The following KDM1B variants were observed in gnomAD, a reference collection of about 807,000 sequenced individuals.
KDM1B encodes the protein lysine-specific histone demethylase 2.
Under a neutral mutation model 107.4 loss-of-function variants are expected in KDM1B, and 63 were observed. The ratio of observed to expected loss-of-function variants is 0.59; its 90% CI spans 0.48 to 0.72. KDM1B has a LOEUF of 0.72. KDM1B is among the 30% of genes least tolerant of loss of function. KDM1B has a pLI of 0.00. For missense variants in KDM1B, 749 were observed against 1,020.8 expected (o/e 0.73, Z 3.63); for synonymous variants, 363 against 363.9 (o/e 1.00, Z 0.03).
rs1239019040 is a variant in KDM1B, at chr6:18,179,958, G to C, written c.535-5814G>C. 2.0e-5 allele frequency among the ~76,000 whole-genome samples: 3 copies of C among 147,732 alleles called. No homozygotes were observed. The East Asian group carries it at 5.9e-4, about 29-fold the overall frequency. On this transcript the variant is annotated intron_variant, in intron 7 of 21. Coordinates refer to ENST00000650836, the MANE Select transcript of KDM1B (RefSeq NM_001364614.2). Reference sequence around the variant, plus strand: ...GGTTTACTGCAGCCTTTACTTCCTGGGCTCAGGTGATTCTGCCACCGTAGT... The same window carrying C: ...GGTTTACTGCAGCCTTTACTTCCTGCGCTCAGGTGATTCTGCCACCGTAGT...
intron 7 of KDM1B, among the ~76,000 whole-genome samples, chr6:18,179,880 A>G (rs192122502): frequency 0.025 from 1,519 of 60,464 alleles, 31 homozygotes; most frequent in Middle Eastern, 0.056. Flanking sequence ...TTTTTTTTTC[A>G]TAAGGCAGGG....
intron 15 of KDM1B, 72 bp from the exon 16 acceptor site, chr6:18,207,326 T>C: frequency 1.3e-6 from 2 of 1,563,110 alleles, no homozygotes; most frequent in Non-Finnish European, 8.8e-7. Flanking sequence ...CACCTGGAGC[T>C]CCTCATATTG....
At chr6:18,179,849 CCTTTTTTTT>C (rs1451901717) in intron 7 of KDM1B, among the ~76,000 whole-genome samples, 1,691 of 96,214 alleles carry the variant, frequency 0.018, 222 homozygotes, top group African/African-American at 0.045. Context: ...GGTTTTTTTT[CCTTTTTTTT>C]TTTTTTTTTT....
intron 5 of KDM1B, among the ~76,000 whole-genome samples, chr6:18,164,816 T>C (rs1006930478): frequency 4.6e-5 from 7 of 152,160 alleles, no homozygotes; most frequent in Admixed American, 3.3e-4. Context: ...CAGCTAATTT[T>C]TGTATTTTTA....
intron 20 of KDM1B, among the ~76,000 whole-genome samples, chr6:18,216,204 C>T (rs941264984): frequency 1.3e-5 from 2 of 152,154 alleles, no homozygotes; most frequent in Admixed American, 6.5e-5. Context: ...CTCAGCCTCC[C>T]GAGTAGGCTG....
In KDM1B at chr6:18,204,637, A is replaced by G. The variant is rs750223122; in HGVS notation, c.1532-900A>G. Among the ~76,000 whole-genome samples the G allele has an allele frequency of 1.4e-4, 22 of 152,218 alleles. No homozygotes were observed. Among genetic ancestry groups the G allele is most frequent in the Non-Finnish European group, 2.8e-4 (19 of 68,044 alleles). On this transcript the variant is annotated intron_variant, in intron 14 of 21. Transcript: ENST00000650836. The surrounding 1 kb of genome is among the most constrained non-coding windows in gnomAD (Gnocchi z 4.9). ...GCCAGAACCCTCTTCCAGCCCTGCTATAAAGGAATGTAAGACAAAAATGAT... is the reference window on the plus strand; with the variant it reads ...GCCAGAACCCTCTTCCAGCCCTGCTGTAAAGGAATGTAAGACAAAAATGAT...
Position 18,222,973 on chromosome 6 carries a change from T to C in KDM1B, c.*981T>C, listed in dbSNP as rs1476451486. The C allele has an allele frequency of 6.6e-6, 1 of 152,596 alleles. No individual in the cohort carries two copies. Among genetic ancestry groups the C allele is most frequent in the Non-Finnish European group, 1.5e-5 (1 of 68,034 alleles). 9.5% of individuals were successfully genotyped at this position (152,596 alleles called of 1,614,324 possible). ...GAGCTCTCCTGGTAAATAGTATACA[T>C]TTTATAAGCTATATTTTAAAGGCCT... On this transcript the variant is annotated 3_prime_UTR_variant, in exon 22 of 22. Coordinates refer to ENST00000650836, the MANE Select transcript of KDM1B (RefSeq NM_001364614.2).
intron 10 of KDM1B, among the ~76,000 whole-genome samples, chr6:18,195,133 A>T (rs183552771): frequency 2.3e-4 from 35 of 152,288 alleles, no homozygotes; most frequent in Non-Finnish European, 8.8e-5. Context: ...ACTCACTTTT[A>T]TAGCTGAATA....
chr6:18,176,637 C>T (rs535771614), intron 7 of KDM1B, among the ~76,000 whole-genome samples: 10 of 152,180 alleles, frequency 6.6e-5, no homozygotes, highest in South Asian at 4.1e-4. Flanking sequence ...CCTTGTATGC[C>T]GATTTTGCTG....
chr6:18,191,086 G>T lies in KDM1B; in HGVS notation c.785-111G>T. 1.3e-6 allele frequency: 1 copy of T among 798,470 alleles called. No homozygotes were observed. 49.5% of individuals were successfully genotyped at this position (798,470 alleles called of 1,614,324 possible). Reference sequence around the variant, plus strand: ...GAGGAAGCAAAGGTATTTATGTAGGGTAGAGAGTGGAGCTTGTCTAGGCTT... The same window carrying T: ...GAGGAAGCAAAGGTATTTATGTAGGTTAGAGAGTGGAGCTTGTCTAGGCTT... On this transcript the variant is annotated intron_variant, in intron 9 of 21. Transcript: ENST00000650836. This position sits in a 1 kb window ranked among gnomAD's most constrained non-coding sequence, Gnocchi z 5.1.
intron 2 of KDM1B, among the ~76,000 whole-genome samples, chr6:18,158,533 A>G (rs567608139): frequency 1.3e-5 from 2 of 152,296 alleles, no homozygotes; most frequent in East Asian, 1.9e-4. Context: ...CTAAGATTAT[A>G]TATCTGGAAT....
intron 14 of KDM1B, among the ~76,000 whole-genome samples, chr6:18,202,457 A>G (rs1312808833): frequency 5.3e-5 from 8 of 152,208 alleles, no homozygotes; most frequent in African/African-American, 1.9e-4. Flanking sequence ...AATGGGCAAT[A>G]TTAGCCACAA....
chr6:18,215,141 G>A lies in KDM1B; in HGVS notation c.2232+12G>A. The A allele has an allele frequency of 6.2e-7, 1 of 1,608,812 alleles. No individual in the cohort carries two copies. Among genetic ancestry groups the A allele is most frequent in the East Asian group, 2.2e-5 (1 of 44,758 alleles). On this transcript the variant is annotated intron_variant, in intron 20 of 21. Coordinates refer to ENST00000650836, the MANE Select transcript of KDM1B (RefSeq NM_001364614.2). ...TGTTCAAGGAGCAGGTGAGAGAGAG[G>A]AAGCCCTCCTTGAAAGGGGCAAGCC...
chr6:18,223,400 A>AAAGTT lies in KDM1B; in HGVS notation c.*1411_*1415dup, dbSNP rs560672091. On this transcript the variant is annotated 3_prime_UTR_variant, in exon 22 of 22. Coordinates refer to ENST00000650836, the MANE Select transcript of KDM1B (RefSeq NM_001364614.2). ...AACAAGCCAACAGCTGTATATCTCA[A>AAAGTT]AAGTTAACCCAAGACAACTCTGATA... The AAAGTT allele has an allele frequency of 5.7e-3, 767 of 135,504 alleles. 7 individuals carry two copies. Among genetic ancestry groups the AAAGTT allele is most frequent in the African/African-American group, 0.019 (682 of 36,814 alleles). 8.4% of individuals were successfully genotyped at this position (135,504 alleles called of 1,614,324 possible). A position where few individuals can be genotyped will look rare whatever the true frequency, so the allele number is the denominator to read the frequency against.
At position 18,212,086 on chromosome 6, in the gene KDM1B, C is replaced by T; in HGVS notation, c.1867-402C>T. Reference sequence around the variant, plus strand: ...TCAGCTTCCCAAGTATCTGGCACTACAGGCACCTGCCACCACACCTGGCTA... The same window carrying T: ...TCAGCTTCCCAAGTATCTGGCACTATAGGCACCTGCCACCACACCTGGCTA... On this transcript the variant is annotated intron_variant, in intron 17 of 21. Coordinates refer to ENST00000650836, the MANE Select transcript of KDM1B (RefSeq NM_001364614.2). The surrounding 1 kb of genome is among the most constrained non-coding windows in gnomAD (Gnocchi z 5.2). 1 of 184,880 alleles carries T rather than the reference C, an allele frequency of 5.4e-6. No homozygotes were observed. Among genetic ancestry groups the T allele is most frequent in the Non-Finnish European group, 1.1e-5 (1 of 88,098 alleles). 11.5% of individuals were successfully genotyped at this position (184,880 alleles called of 1,614,324 possible).
At chr6:18,187,089 A>T (rs1786915728) in intron 8 of KDM1B, among the ~76,000 whole-genome samples, 1 of 151,752 alleles carries the variant, frequency 6.6e-6, no homozygotes, top group Non-Finnish European at 1.5e-5. Flanking sequence ...AAGCCTGTCT[A>T]CCATGGATTG....
In KDM1B at chr6:18,172,784, T is replaced by A. The variant is rs1313617580; in HGVS notation, c.534+1305T>A. 6.6e-6 allele frequency among the ~76,000 whole-genome samples: 1 copy of A among 152,130 alleles called. No homozygotes were observed. The highest frequency in any genetic ancestry group is 1.5e-5 in the Non-Finnish European group (1 of 68,028). ...TTCTGTGCCTGGCCTATTCGTTTCTTATGAATAAAAACATATTAGGAGTGG... is the reference window on the plus strand; with the variant it reads ...TTCTGTGCCTGGCCTATTCGTTTCTAATGAATAAAAACATATTAGGAGTGG... On this transcript the variant is annotated intron_variant, in intron 7 of 21. Transcript: ENST00000650836. This position sits in a 1 kb window ranked among gnomAD's most constrained non-coding sequence, Gnocchi z 5.2.
At chr6:18,161,789 A>G (rs1784989133) in intron 4 of KDM1B, among the ~76,000 whole-genome samples, 1 of 152,136 alleles carries the variant, frequency 6.6e-6, no homozygotes. Flanking sequence ...AGCTTTCTGT[A>G]GACACCAGTG....
chr6:18,200,703 C>A lies in KDM1B; in HGVS notation c.1359+127C>A. 1 of 704,378 alleles carries A rather than the reference C, an allele frequency of 1.4e-6. No individual in the cohort carries two copies. Among genetic ancestry groups the A allele is most frequent in the Non-Finnish European group, 2.2e-6 (1 of 461,528 alleles). 43.6% of individuals were successfully genotyped at this position (704,378 alleles called of 1,614,324 possible). A position where few individuals can be genotyped will look rare whatever the true frequency, so the allele number is the denominator to read the frequency against. Reference sequence around the variant, plus strand: ...CAGCCCCCTCATCTCCTATGCAAAGCAGTAAGAATTACACTTCTGCCTTTC... The same window carrying A: ...CAGCCCCCTCATCTCCTATGCAAAGAAGTAAGAATTACACTTCTGCCTTTC... On this transcript the variant is annotated intron_variant, in intron 13 of 21. Coordinates refer to ENST00000650836, the MANE Select transcript of KDM1B (RefSeq NM_001364614.2). The surrounding 1 kb of genome is among the most constrained non-coding windows in gnomAD (Gnocchi z 4.3).
Sources: gnomAD v4.1 joint callset for allele counts (sites outside exome capture counted in the v4.1 genomes callset) on GRCh38, gnomAD v4.1.1 for gene constraint, Gnocchi (gnomAD v3.1) non-coding constraint, MANE v1.5 for transcripts, NCBI Gene and HGNC (gene_info 2026-07-23, HGNC 2026-07-21) for gene names.